ZEB2: variants seen among roughly 807,000 people sequenced by gnomAD.
ZEB2 encodes zinc finger E-box binding homeobox 2.
Under a neutral mutation model 99.9 loss-of-function variants are expected in ZEB2, and 6 were observed. That is an observed-to-expected ratio of 0.06 (90% confidence interval 0.03 to 0.12). ZEB2 has a LOEUF of 0.12. Among genes scored for constraint, ZEB2 ranks in the 10% least tolerant of loss-of-function variants. ZEB2 has a pLI of 1.00. For missense variants in ZEB2, 969 were observed against 1,502.8 expected, an observed-to-expected ratio of 0.64 and a Z score of 5.87; for synonymous variants, 517 against 542.5, an observed-to-expected ratio of 0.95 and a Z score of 0.65.
At chr2:144,397,388 C>G (rs1703243719) in intron 8 of ZEB2, among the ~76,000 whole-genome samples, 1 of 152,198 alleles carries the variant, frequency 6.6e-6, no homozygotes, top group Admixed American at 6.5e-5. Flanking sequence ...AATACTGGAA[C>G]AGCTGTTACA....
chr2:144,490,581 T>C (rs1218515989), intron 2 of ZEB2, among the ~76,000 whole-genome samples: 1 of 152,226 alleles, frequency 6.6e-6, no homozygotes, highest in Non-Finnish European at 1.5e-5. Flanking sequence ...CCATCATTTC[T>C]ACTACGTTTT....
At chr2:144,438,456 G>A (rs1703864647) in intron 2 of ZEB2, among the ~76,000 whole-genome samples, 1 of 151,958 alleles carries the variant, frequency 6.6e-6, no homozygotes, top group South Asian at 2.1e-4. Context: ...CTTTAGAAGA[G>A]ATGTGGCTCG....
chr2:144,452,571 A>G (rs1374063234), intron 2 of ZEB2, among the ~76,000 whole-genome samples: 1 of 152,160 alleles, frequency 6.6e-6, no homozygotes, highest in Non-Finnish European at 1.5e-5. Context: ...CAGGAAAGCT[A>G]ATTTCTTAAT....
intron 2 of ZEB2, among the ~76,000 whole-genome samples, chr2:144,434,864 C>A (rs1352702102): frequency 6.6e-6 from 1 of 152,164 alleles, no homozygotes. Context: ...CCAGAACCAA[C>A]GTGTAACCAG....
rs1703076302 is a variant in ZEB2, at chr2:144,385,905, T to C, written c.*3546A>G. On this transcript the variant is annotated 3_prime_UTR_variant, in exon 10 of 10. Transcript: ENST00000627532. ...TTCAAATATAGTCCCTTCTTTCCCC[T>C]TTCCTCCAAGCCCTCCCACTCCGCC... 6.6e-6 allele frequency: 1 copy of C among 152,148 alleles called. No individual in the cohort carries two copies. The highest frequency in any genetic ancestry group is 1.5e-5 in the Non-Finnish European group (1 of 68,006). The allele number at this position is 152,148 out of a possible 1,614,324, so 9.4% of individuals were successfully genotyped here.
intron 8 of ZEB2, chr2:144,397,728 C>T (rs187985542): frequency 5.4e-6 from 1 of 185,050 alleles, no homozygotes; most frequent in African/African-American, 2.4e-5. Flanking sequence ...GCAACCTCAG[C>T]CTCCTGGGTT....
At chr2:144,502,029 C>T (rs1704877327) in intron 2 of ZEB2, among the ~76,000 whole-genome samples, 2 of 152,186 alleles carry the variant, frequency 1.3e-5, no homozygotes, top group African/African-American at 4.8e-5. Context: ...GAAAAACTAC[C>T]ACTGAAAAGA....
In ZEB2 at chr2:144,426,028, T is replaced by C. The variant is rs577150684; in HGVS notation, c.332-1161A>G. On this transcript the variant is annotated intron_variant, in intron 3 of 9. Transcript: ENST00000627532. ...TATATTTTACAAGCAGTGCAGCAAA[T>C]CTCTTTATGGAATCAGAACTGAAAA... 5.9e-5 allele frequency among the ~76,000 whole-genome samples: 9 copies of C among 152,136 alleles called. No individual in the cohort carries two copies. The East Asian group carries it at 1.7e-3, about 29-fold the overall frequency.
At chr2:144,391,769 A>G (rs1424498301) in intron 9 of ZEB2, among the ~76,000 whole-genome samples, 1 of 152,230 alleles carries the variant, frequency 6.6e-6, no homozygotes, top group Non-Finnish European at 1.5e-5. Context: ...AGGAGAAAGG[A>G]TAAGACGTTT....
chr2:144,467,504 A>G (rs62169220), intron 2 of ZEB2, among the ~76,000 whole-genome samples: 26,265 of 152,134 alleles, frequency 0.17, 2,488 homozygotes, highest in Admixed American at 0.27. Flanking sequence ...ATGCATCAAT[A>G]TACTAAATGT....
At chr2:144,456,993 T>C (rs988653035) in intron 2 of ZEB2, among the ~76,000 whole-genome samples, 2 of 152,144 alleles carry the variant, frequency 1.3e-5, no homozygotes, top group African/African-American at 4.8e-5. Context: ...ACCACTGTCC[T>C]GGCCAGAGCA....
At position 144,429,784 on chromosome 2, in the gene ZEB2, A is replaced by G. The variant is rs1422801950; in HGVS notation, c.316T>C (p.Ser106Pro). ...AGACACTTACCTGGACCATCTACAG[A>G]GGCTTGTAGAATCTCGTTGTTGTGC... ...PWHNNEILQA[S>P]VDGPEEMKED... Residue 106 changes from serine to proline, a missense_variant, in exon 3 of 10, where the codon TCT becomes CCT. Coordinates refer to ENST00000627532, the MANE Select transcript of ZEB2 (RefSeq NM_014795.4). 1 of 1,613,754 alleles carries G rather than the reference A, an allele frequency of 6.2e-7. No homozygotes were observed. Among genetic ancestry groups the G allele is most frequent in the East Asian group, 2.2e-5 (1 of 44,884 alleles).
At position 144,507,559 on chromosome 2, in the gene ZEB2, G is replaced by A. The variant is rs1230519963; in HGVS notation, c.73+9719C>T. On this transcript the variant is annotated intron_variant, in intron 2 of 9. Transcript: ENST00000627532. The stretch of plus-strand genomic sequence containing the variant: ...AGTACAATCAGACCCTTCTTGAAAC[G>A]TTTGCTCCCCTTACACTCTTAATGT... 3 of 152,034 alleles carry A rather than the reference G, an allele frequency of 2.0e-5. 1 individual carries two copies. The highest frequency in any genetic ancestry group is 4.8e-5 in the African/African-American group (2 of 41,374). 9.4% of individuals were successfully genotyped at this position (152,034 alleles called of 1,614,324 possible).
intron 1 of ZEB2, 139 bp downstream of exon 1, chr2:144,519,800 G>T (rs1705236280): frequency 2.2e-5 from 8 of 360,198 alleles, no homozygotes; most frequent in South Asian, 1.7e-4. Flanking sequence ...AAACCCACCT[G>T]AAATTCCTAC....
At chr2:144,428,504 T>G (rs574735977) in intron 3 of ZEB2, 23 of 152,304 alleles carry the variant, frequency 1.5e-4, no homozygotes, top group Admixed American at 1.4e-3. Flanking sequence ...GCTTAATGGA[T>G]ATAACGATAA....
At chr2:144,409,670 C>T (rs1162402481) in intron 4 of ZEB2, among the ~76,000 whole-genome samples, 5 of 152,100 alleles carry the variant, frequency 3.3e-5, no homozygotes, top group African/African-American at 9.7e-5. Flanking sequence ...GGTTAGATAA[C>T]CTTTTCTCTA....
At chr2:144,488,299 T>C (rs2149917779) in intron 2 of ZEB2, among the ~76,000 whole-genome samples, 1 of 152,310 alleles carries the variant, frequency 6.6e-6, no homozygotes, top group East Asian at 1.9e-4. Context: ...ATGGAGCAAG[T>C]GAGCTAAGGA....
chr2:144,397,940 C>A, intron 8 of ZEB2: 1 of 359,724 alleles, frequency 2.8e-6, no homozygotes, highest in Non-Finnish European at 5.4e-6. Context: ...CACACCTGTC[C>A]TGTGTACATC....
intron 2 of ZEB2, among the ~76,000 whole-genome samples, chr2:144,440,202 A>G (rs1463470415): frequency 6.6e-6 from 1 of 152,154 alleles, no homozygotes; most frequent in Non-Finnish European, 1.5e-5. Context: ...TGGAACTCAG[A>G]CTCATGAGAG....
Sources: gnomAD v4.1 joint callset for allele counts (sites outside exome capture counted in the v4.1 genomes callset) on GRCh38, gnomAD v4.1.1 for gene constraint, MANE v1.5 for transcripts, NCBI Gene and HGNC (gene_info 2026-07-23, HGNC 2026-07-21) for gene names.